The following PHLDB2 variants were observed in gnomAD, a reference collection of about 807,000 sequenced individuals.
The protein encoded by PHLDB2 is pleckstrin homology like domain family B member 2, also known as pleckstrin homology-like domain family B member 2.
In PHLDB2, 71 loss-of-function variants were observed where a neutral mutation model predicts 123.6. The ratio of observed to expected loss-of-function variants is 0.57; its 90% CI spans 0.47 to 0.70. The LOEUF (loss-of-function observed/expected upper bound fraction) is 0.70. Ranked by LOEUF, PHLDB2 falls within the 30% of genes least tolerant of loss-of-function variation. PHLDB2 has a pLI of 0.00. For missense variants in PHLDB2, 1,446 were observed against 1,519.5 expected, an observed-to-expected ratio of 0.95 and a Z score of 0.80; for synonymous variants, 547 against 541.6, an observed-to-expected ratio of 1.01 and a Z score of -0.14.
chr3:111,889,022 A>G (rs1207867162), intron 2 of PHLDB2, among the ~76,000 whole-genome samples: 2 of 152,262 alleles, frequency 1.3e-5, no homozygotes, highest in African/African-American at 4.8e-5. Flanking sequence ...ATCACAGAAC[A>G]TAATTACTGA....
intron 1 of PHLDB2, among the ~76,000 whole-genome samples, chr3:111,740,899 TA>T (rs372089397): frequency 0.016 from 1,959 of 126,314 alleles, 24 homozygotes; most frequent in African/African-American, 0.041. Context: ...CCCATCAAGT[TA>T]AAAAAAAAAA....
At chr3:111,828,747 C>T (rs979154637) in intron 1 of PHLDB2, among the ~76,000 whole-genome samples, 3 of 152,176 alleles carry the variant, frequency 2.0e-5, no homozygotes, top group Admixed American at 1.3e-4. Flanking sequence ...TGCGCCACAG[C>T]ACTCCAGCCT....
At chr3:111,923,725 T>C (rs969327081) in intron 5 of PHLDB2, among the ~76,000 whole-genome samples, 4 of 152,184 alleles carry the variant, frequency 2.6e-5, no homozygotes, top group Admixed American at 6.5e-5. Context: ...TGGAAATTGA[T>C]CTTGACACGT....
intron 1 of PHLDB2, among the ~76,000 whole-genome samples, chr3:111,772,087 T>C (rs1197505249): frequency 6.6e-6 from 1 of 151,702 alleles, no homozygotes; most frequent in Admixed American, 6.6e-5. Flanking sequence ...TAATGCTGCA[T>C]TGAAATGGAA....
chr3:111,860,508 C>A (rs529786501), intron 1 of PHLDB2, among the ~76,000 whole-genome samples: 2 of 152,214 alleles, frequency 1.3e-5, no homozygotes, highest in Non-Finnish European at 2.9e-5. Context: ...TAACTTAGCC[C>A]TAGCAGTCAT....
chr3:111,944,231 A>G (rs2070124486), intron 8 of PHLDB2, among the ~76,000 whole-genome samples: 1 of 152,188 alleles, frequency 6.6e-6, no homozygotes, highest in African/African-American at 2.4e-5. Context: ...GCTTGCTCAT[A>G]AGGGTGGAAG....
chr3:111,790,985 G>A (rs1453115748), intron 1 of PHLDB2, among the ~76,000 whole-genome samples: 1 of 151,868 alleles, frequency 6.6e-6, no homozygotes, highest in Non-Finnish European at 1.5e-5. Context: ...TTTTCCCCTA[G>A]TACACTGTGA....
chr3:111,757,288 A>G (rs1038493102), intron 1 of PHLDB2, among the ~76,000 whole-genome samples: 1 of 152,130 alleles, frequency 6.6e-6, no homozygotes, highest in Non-Finnish European at 1.5e-5. Context: ...AGGTACACCA[A>G]TCAGATGTAG....
At chr3:111,791,485 G>A (rs893229967) in intron 1 of PHLDB2, among the ~76,000 whole-genome samples, 7 of 152,154 alleles carry the variant, frequency 4.6e-5, no homozygotes, top group African/African-American at 1.7e-4. Context: ...AATTTGTCAC[G>A]GGGTAGATAA....
intron 2 of PHLDB2, among the ~76,000 whole-genome samples, chr3:111,905,954 G>A (rs1326135631): frequency 1.3e-5 from 2 of 152,114 alleles, no homozygotes; most frequent in African/African-American, 4.8e-5. Context: ...GTCGTTATGT[G>A]TGCAGATATT....
At chr3:111,936,479 T>G (rs1308756367) in intron 6 of PHLDB2, among the ~76,000 whole-genome samples, 1 of 152,220 alleles carries the variant, frequency 6.6e-6, no homozygotes, top group African/African-American at 2.4e-5. Context: ...AATAGTTTTT[T>G]GTTTAAGATG....
chr3:111,948,697 G>T (rs1249258845), intron 9 of PHLDB2, among the ~76,000 whole-genome samples: 1 of 152,118 alleles, frequency 6.6e-6, no homozygotes, highest in Non-Finnish European at 1.5e-5. Context: ...TTATACTACA[G>T]TTATCTTGAT....
chr3:111,813,185 T>A (rs192213302), intron 1 of PHLDB2, among the ~76,000 whole-genome samples: 4 of 152,322 alleles, frequency 2.6e-5, no homozygotes, highest in East Asian at 3.9e-4. Context: ...GGATACAAAG[T>A]TTCAGCTTGG....
At chr3:111,883,270 A>G (rs1459609151) in intron 1 of PHLDB2, among the ~76,000 whole-genome samples, 1 of 152,196 alleles carries the variant, frequency 6.6e-6, no homozygotes, top group Non-Finnish European at 1.5e-5. Flanking sequence ...AAAAATTTTA[A>G]TGGTGGAAGA....
At chr3:111,905,858 GT>G (rs2067497210) in intron 2 of PHLDB2, among the ~76,000 whole-genome samples, 1 of 151,522 alleles carries the variant, frequency 6.6e-6, no homozygotes, top group African/African-American at 2.4e-5. Flanking sequence ...TTTCCTTTAC[GT>G]TTTTCAGGTT....
intron 2 of PHLDB2, among the ~76,000 whole-genome samples, chr3:111,894,566 A>G (rs1387926693): frequency 4.6e-5 from 7 of 151,382 alleles, no homozygotes; most frequent in Non-Finnish European, 7.4e-5. Flanking sequence ...ATCCTCTCCA[A>G]CATCTGTTGT....
intron 1 of PHLDB2, among the ~76,000 whole-genome samples, chr3:111,757,080 C>T (rs1576521947): frequency 6.6e-6 from 1 of 152,110 alleles, no homozygotes; most frequent in South Asian, 2.1e-4. Context: ...CTGCCCTTAA[C>T]ATTTTTTCCT....
chr3:111,825,334 C>T (rs1216287008), intron 1 of PHLDB2, among the ~76,000 whole-genome samples: 2 of 152,158 alleles, frequency 1.3e-5, no homozygotes, highest in East Asian at 3.9e-4. Flanking sequence ...AGACTGTAAG[C>T]TATTAGTTTC....
intron 17 of PHLDB2, 142 bp from the exon 18 acceptor site, chr3:111,974,281 T>A: frequency 2.9e-6 from 2 of 700,710 alleles, no homozygotes; most frequent in Non-Finnish European, 4.3e-6. Context: ...GGGACAGGTG[T>A]GTGAGTTATA....
Sources: gnomAD v4.1 joint callset for allele counts (sites outside exome capture counted in the v4.1 genomes callset) on GRCh38, gnomAD v4.1.1 for gene constraint, MANE v1.5 for transcripts, NCBI Gene and HGNC (gene_info 2026-07-23, HGNC 2026-07-21) for gene names.